Variants in ERICH1 observed in about 807,000 individuals in gnomAD.
ERICH1 encodes glutamate-rich protein 1.
ERICH1 carries 56 observed loss-of-function variants against 39.6 expected under a neutral mutation model. The ratio of observed to expected loss-of-function variants is 1.41; its 90% confidence interval spans 1.14 to 1.77. The LOEUF is 1.77. Among genes scored for constraint, ERICH1 ranks in the 40% most tolerant of loss-of-function variants. The probability of loss-of-function intolerance (pLI) is 0.00; values close to 1 mark genes in which losing one functional copy is unlikely to be tolerated. For synonymous variants in ERICH1, 313 were observed against 223.6 expected (o/e 1.40, Z -3.57); for missense variants, 826 against 575.4 (o/e 1.44, Z -4.45).
downstream of ERICH1, among the ~76,000 whole-genome samples, chr8:663,229 G>C (rs1392025630): frequency 6.6e-6 from 1 of 152,214 alleles, no homozygotes; most frequent in Non-Finnish European, 1.5e-5. Flanking sequence ...GGGCCGGCGG[G>C]GACGCCAAGG....
chr8:652,576 G>C (rs1272745617), intron 3 of ERICH1, among the ~76,000 whole-genome samples: 1 of 152,164 alleles, frequency 6.6e-6, no homozygotes, highest in Non-Finnish European at 1.5e-5. Flanking sequence ...CTGTTCTGCT[G>C]ATAATTCCTA....
intron 2 of ERICH1, among the ~76,000 whole-genome samples, chr8:707,663 T>C (rs2132266614): frequency 6.6e-6 from 1 of 152,344 alleles, no homozygotes; most frequent in South Asian, 2.1e-4. Flanking sequence ...ATCAAGGACC[T>C]ACACATAAGT....
At chr8:652,229 C>T (rs937646116) in intron 3 of ERICH1, among the ~76,000 whole-genome samples, 1 of 152,200 alleles carries the variant, frequency 6.6e-6, no homozygotes, top group African/African-American at 2.4e-5. Flanking sequence ...CTTCCGGTGG[C>T]AGGAAATGCA....
In ERICH1 at chr8:688,242, A is replaced by G. The variant is rs568175421; in HGVS notation, c.304+4236T>C. Reference sequence around the variant, plus strand: ...AGGTTTCCCGACGTTCTCGCAGAAAAGGTAAAGCGGCACCCCGCCCCCAGT... The same window carrying G: ...AGGTTTCCCGACGTTCTCGCAGAAAGGGTAAAGCGGCACCCCGCCCCCAGT... On this transcript the variant is annotated intron_variant, in intron 3 of 5. Coordinates refer to ENST00000262109, the MANE Select transcript of ERICH1 (RefSeq NM_207332.3). 2.3e-3 allele frequency among the ~76,000 whole-genome samples: 190 copies of G among 82,628 alleles called. 1 individual carries two copies. Among genetic ancestry groups the G allele is most frequent in the African/African-American group, 8.8e-3 (179 of 20,396 alleles). The allele number at this position is 82,628 out of a possible 152,430, so 54.2% of individuals were successfully genotyped here.
At chr8:716,978 G>A (rs1353319740) in intron 1 of ERICH1, among the ~76,000 whole-genome samples, 1 of 152,198 alleles carries the variant, frequency 6.6e-6, no homozygotes, top group African/African-American at 2.4e-5. Context: ...CCGCTGTTAA[G>A]AACACTATGT....
chr8:657,245 C>T (rs753469040), intron 3 of ERICH1, among the ~76,000 whole-genome samples: 2 of 152,108 alleles, frequency 1.3e-5, no homozygotes, highest in South Asian at 2.1e-4. Context: ...GGCTTCTGCC[C>T]GATTTCGGTC....
chr8:661,805 A>C (rs1048659129), downstream of ERICH1, among the ~76,000 whole-genome samples: 1 of 152,234 alleles, frequency 6.6e-6, no homozygotes, highest in Non-Finnish European at 1.5e-5. Flanking sequence ...CAATATTCTC[A>C]GGGTCAGGAA....
At chr8:627,450 CTA>C (rs1383665322) in intron 3 of ERICH1, among the ~76,000 whole-genome samples, 1 of 152,220 alleles carries the variant, frequency 6.6e-6, no homozygotes, top group Non-Finnish European at 1.5e-5. Flanking sequence ...GGCATTTGCG[CTA>C]TGTTATATCG....
rs1293468529 is a variant in ERICH1 at position 645,555 on chromosome 8, C to T, written c.976+23043G>A. ...AGGAATTCTACAACAGACCTGCAAT[C>T]ATCCTCCCATTGTTCCCCCAGCCCT... On this transcript the variant is annotated intron_variant, in intron 3 of 3. Transcript: ENST00000522706. Among the ~76,000 whole-genome samples the T allele has an allele frequency of 4.4e-4, 30 of 68,300 alleles. 9 individuals carry two copies. The East Asian group carries it at 5.8e-3, about 13-fold the overall frequency. The allele number at this position is 68,300 out of a possible 152,430, so 44.8% of individuals were successfully genotyped here.
At chr8:701,330 C>T (rs1489352808) in intron 2 of ERICH1, among the ~76,000 whole-genome samples, 4 of 151,498 alleles carry the variant, frequency 2.6e-5, no homozygotes, top group Non-Finnish European at 4.4e-5. Flanking sequence ...CCCTGCTGGA[C>T]GGGAGCACGC....
chr8:716,945 T>A (rs1028014899), intron 1 of ERICH1, among the ~76,000 whole-genome samples: 8 of 152,120 alleles, frequency 5.3e-5, no homozygotes, highest in African/African-American at 1.9e-4. Context: ...AAACACGTGA[T>A]AGAAATAACC....
chr8:707,893 G>A (rs1813679574), intron 2 of ERICH1, among the ~76,000 whole-genome samples: 1 of 152,186 alleles, frequency 6.6e-6, no homozygotes, highest in African/African-American at 2.4e-5. Context: ...CGCAAATCAG[G>A]TATCTGATGA....
At chr8:638,193 T>C (rs28461385) in intron 3 of ERICH1, among the ~76,000 whole-genome samples, 514 of 152,374 alleles carry the variant, frequency 3.4e-3, no homozygotes, top group Non-Finnish European at 5.3e-3. Flanking sequence ...GCCTGGCCCT[T>C]GCCTTGGCGT....
intron 3 of ERICH1, among the ~76,000 whole-genome samples, chr8:655,893 G>A (rs1457815515): frequency 6.6e-6 from 1 of 152,034 alleles, no homozygotes; most frequent in Non-Finnish European, 1.5e-5. Context: ...CACACACGCA[G>A]GTGCAGAGAC....
chr8:694,605 G>A (rs922390250), intron 2 of ERICH1, among the ~76,000 whole-genome samples: 2 of 152,176 alleles, frequency 1.3e-5, no homozygotes, highest in Admixed American at 1.3e-4. Flanking sequence ...AGCCGCAAGT[G>A]GCACCTCCTG....
chr8:635,043 G>A (rs1229527352), intron 3 of ERICH1, among the ~76,000 whole-genome samples: 2 of 151,970 alleles, frequency 1.3e-5, no homozygotes, highest in Non-Finnish European at 2.9e-5. Flanking sequence ...ACCTGGGGGT[G>A]TCCCAGGCTT....
rs374575773 is a variant in ERICH1, at chr8:616,888, G to GAC, written c.977-1606_977-1605dup. 1.2e-4 allele frequency among the ~76,000 whole-genome samples: 8 copies of GAC among 65,876 alleles called. 2 individuals are homozygous for GAC. Among genetic ancestry groups the GAC allele is most frequent in the Non-Finnish European group, 2.1e-4 (8 of 38,490 alleles). The allele number at this position is 65,876 out of a possible 152,430, so 43.2% of individuals were successfully genotyped here. On this transcript the variant is annotated intron_variant, in intron 3 of 3. Coordinates refer to the ERICH1 transcript ENST00000522706. ...AGAGAGAGAGGGAGAGGGAGACAGA[G>GAC]ACACACACACACACAGAGAGAGAGA...
chr8:682,624 T>G (rs1806384677), intron 3 of ERICH1, among the ~76,000 whole-genome samples: 1 of 152,208 alleles, frequency 6.6e-6, no homozygotes, highest in African/African-American at 2.4e-5. Context: ...GCAGTGCGCT[T>G]TGAAAAGCTG....
At chr8:691,437 A>G (rs924367642) in intron 3 of ERICH1, among the ~76,000 whole-genome samples, 1 of 152,236 alleles carries the variant, frequency 6.6e-6, no homozygotes, top group Non-Finnish European at 1.5e-5. Flanking sequence ...TGGGAACATG[A>G]GCAGCATGGA....
Sources: gnomAD v4.1 joint callset for allele counts (sites outside exome capture counted in the v4.1 genomes callset) on GRCh38, gnomAD v4.1.1 for gene constraint, MANE v1.5 for transcripts, NCBI Gene and HGNC (gene_info 2026-07-23, HGNC 2026-07-21) for gene names.